The following GPC5 variants were observed in gnomAD, a reference collection of about 807,000 sequenced individuals.
The protein encoded by GPC5 is glypican-5.
In GPC5, 47 loss-of-function variants were observed where a neutral mutation model predicts 53.9. That is an observed-to-expected ratio of 0.87 (90% CI 0.69 to 1.11). The LOEUF (loss-of-function observed/expected upper bound fraction) is 1.11, where lower values mean the gene tolerates loss of function less well. Among genes scored for constraint, GPC5 ranks in the 50% most tolerant of loss-of-function variants. The probability of loss-of-function intolerance (pLI) is 0.00; values close to 1 mark genes in which losing one functional copy is unlikely to be tolerated. For missense variants in GPC5, 748 were observed against 713.1 expected (o/e 1.05, Z -0.56); for synonymous variants, 286 against 263.3 (o/e 1.09, Z -0.84).
chr13:92,678,991 T>C (rs35409350), intron 7 of GPC5, among the ~76,000 whole-genome samples: 33,625 of 152,058 alleles, frequency 0.22, 4,385 homozygotes, highest in South Asian at 0.36. Context: ...TTATGATTAA[T>C]ATAATGGAAA....
In GPC5 at chr13:91,598,312, C is replaced by T. The variant is rs1286164698; in HGVS notation, c.326-94875C>T. Among the ~76,000 whole-genome samples the T allele has an allele frequency of 3.8e-5, 5 of 132,792 alleles. No homozygotes were observed. In the South Asian group the frequency reaches 9.9e-4, roughly 26 times the overall value. The allele number at this position is 132,792 out of a possible 152,430, so 87.1% of individuals were successfully genotyped here. ...TTATATTGTGTGGCATGAGATTTAT[C>T]TTCTAGTAAAATTGAAAAAAAACTC... On this transcript the variant is annotated intron_variant, in intron 2 of 7. Coordinates refer to ENST00000377067, the MANE Select transcript of GPC5 (RefSeq NM_004466.6).
rs188713250 is a variant in GPC5 at position 91,915,587 on chromosome 13, G to A, written c.1401+7530G>A. On this transcript the variant is annotated intron_variant, in intron 6 of 7. Transcript: ENST00000377067. ...TTAAGACTTGAGCTGTTTTTCTGCCGGGTTTACTGTTCTTAAAATGTTGAA... is the reference window on the plus strand; with the variant it reads ...TTAAGACTTGAGCTGTTTTTCTGCCAGGTTTACTGTTCTTAAAATGTTGAA... 2.0e-4 allele frequency among the ~76,000 whole-genome samples: 31 copies of A among 152,084 alleles called. No homozygotes were observed. In the East Asian group the frequency reaches 4.1e-3, roughly 20 times the overall value.
chr13:91,652,754 G>A (rs937978934), intron 2 of GPC5, among the ~76,000 whole-genome samples: 2 of 152,210 alleles, frequency 1.3e-5, no homozygotes, highest in African/African-American at 2.4e-5. Context: ...GAAACTGCAT[G>A]TAAGGAGGAC....
chr13:92,400,551 A>G (rs1875509654), intron 7 of GPC5, among the ~76,000 whole-genome samples: 1 of 152,086 alleles, frequency 6.6e-6, no homozygotes, highest in Non-Finnish European at 1.5e-5. Flanking sequence ...TACCCTTTCC[A>G]TATATCCAAA....
intron 2 of GPC5, among the ~76,000 whole-genome samples, chr13:91,474,373 T>G (rs1429282038): frequency 6.6e-6 from 1 of 152,134 alleles, no homozygotes; most frequent in East Asian, 1.9e-4. Flanking sequence ...TTTATCAATA[T>G]CTGAAGAAGA....
At chr13:91,457,164 T>C (rs755378668) in intron 2 of GPC5, among the ~76,000 whole-genome samples, 2 of 152,106 alleles carry the variant, frequency 1.3e-5, no homozygotes, top group Non-Finnish European at 2.9e-5. Flanking sequence ...GCTTTTTTCA[T>C]AGCTATTTTT....
In GPC5 at chr13:91,806,021, A is replaced by ATTTTTT. The variant is rs71113764; in HGVS notation, c.1280+49626_1280+49631dup. On this transcript the variant is annotated intron_variant, in intron 5 of 7. Coordinates refer to ENST00000377067, the MANE Select transcript of GPC5 (RefSeq NM_004466.6). ...ATGTGAACCTTCAACAAATACAATA[A>ATTTTTT]TTTTTTTTTTTTTTTTTTTTTTTTT... is the stretch of plus-strand genomic sequence containing the variant. 3.1e-3 allele frequency among the ~76,000 whole-genome samples: 150 copies of ATTTTTT among 48,630 alleles called. 10 individuals carry two copies. Among genetic ancestry groups the ATTTTTT allele is most frequent in the African/African-American group, 7.8e-3 (89 of 11,474 alleles). 31.9% of individuals were successfully genotyped at this position (48,630 alleles called of 152,430 possible).
chr13:92,688,216 A>G (rs572133394), intron 7 of GPC5, among the ~76,000 whole-genome samples: 2 of 38,876 alleles, frequency 5.1e-5, no homozygotes, highest in Middle Eastern at 0.01. Flanking sequence ...TGGTTGGTAA[A>G]CTATTGATTA....
At chr13:92,587,749 G>A (rs1883583398) in intron 7 of GPC5, among the ~76,000 whole-genome samples, 1 of 151,962 alleles carries the variant, frequency 6.6e-6, no homozygotes, top group African/African-American at 2.4e-5. Context: ...CCCTGTAAAT[G>A]CTCAGCTTCC....
chr13:91,572,194 CACAT>C (rs1240312111), intron 2 of GPC5, among the ~76,000 whole-genome samples: 10 of 129,996 alleles, frequency 7.7e-5, no homozygotes, highest in Non-Finnish European at 1.5e-4. Flanking sequence ...TGTATACACA[CACAT>C]ATGTATATAT....
chr13:92,025,961 T>C (rs1323802771), intron 6 of GPC5, among the ~76,000 whole-genome samples: 1 of 152,136 alleles, frequency 6.6e-6, no homozygotes, highest in African/African-American at 2.4e-5. Flanking sequence ...AAAATAATTT[T>C]AAGAAAACTA....
intron 2 of GPC5, among the ~76,000 whole-genome samples, chr13:91,567,970 T>A (rs2031611010): frequency 6.6e-6 from 1 of 152,128 alleles, no homozygotes; most frequent in Non-Finnish European, 1.5e-5. Flanking sequence ...CTTGTGACAG[T>A]GAGTGAGTTC....
At chr13:92,014,134 G>A (rs1259240294) in intron 6 of GPC5, among the ~76,000 whole-genome samples, 1 of 152,140 alleles carries the variant, frequency 6.6e-6, no homozygotes, top group East Asian at 1.9e-4. Context: ...TTTCTGACTT[G>A]CCTTTATCTA....
intron 7 of GPC5, among the ~76,000 whole-genome samples, chr13:92,471,845 C>T (rs139006055): frequency 1.3e-5 from 2 of 152,210 alleles, no homozygotes; most frequent in Admixed American, 1.3e-4. Flanking sequence ...CACAATGAGA[C>T]TCAAAATGTG....
intron 7 of GPC5, among the ~76,000 whole-genome samples, chr13:92,770,414 C>CAAAA (rs34087505): frequency 9.1e-5 from 7 of 76,826 alleles, no homozygotes; most frequent in South Asian, 4.7e-4. Flanking sequence ...GACCCTGTCT[C>CAAAA]AAAAAAAAAA....
At chr13:92,104,747 G>A (rs1341149554) in intron 6 of GPC5, among the ~76,000 whole-genome samples, 1 of 152,046 alleles carries the variant, frequency 6.6e-6, no homozygotes, top group Admixed American at 6.6e-5. Context: ...TGCCTCAGAG[G>A]TCCTTACTGA....
intron 7 of GPC5, among the ~76,000 whole-genome samples, chr13:92,719,109 A>C (rs922777846): frequency 1.3e-5 from 2 of 151,926 alleles, no homozygotes; most frequent in Non-Finnish European, 2.9e-5. Flanking sequence ...AAGACTAATA[A>C]AAAATGTTGT....
intron 3 of GPC5, among the ~76,000 whole-genome samples, chr13:91,712,619 C>T (rs967067024): frequency 2.6e-5 from 4 of 151,938 alleles, no homozygotes; most frequent in Non-Finnish European, 4.4e-5. Flanking sequence ...TTGGAAAATC[C>T]GTAACCCACA....
chr13:91,776,609 G>A (rs59721804), intron 5 of GPC5, among the ~76,000 whole-genome samples: 1 of 152,096 alleles, frequency 6.6e-6, no homozygotes, highest in Non-Finnish European at 1.5e-5. Flanking sequence ...GCAGCAACTC[G>A]CAGAGCAAAA....
Sources: gnomAD v4.1 joint callset for allele counts (sites outside exome capture counted in the v4.1 genomes callset) on GRCh38, gnomAD v4.1.1 for gene constraint, MANE v1.5 for transcripts, NCBI Gene and HGNC (gene_info 2026-07-23, HGNC 2026-07-21) for gene names.